Variants in SEC24A observed in about 807,000 individuals in gnomAD.
SEC24A encodes the protein SEC24 homolog A, COPII component.
A neutral mutation model predicts 129.4 loss-of-function variants in SEC24A; 93 were observed. The ratio of observed to expected loss-of-function variants is 0.72; its 90% CI spans 0.61 to 0.85. The LOEUF is 0.85. SEC24A is among the 40% of genes least tolerant of loss of function. The probability of loss-of-function intolerance (pLI) is 0.00; values close to 1 mark genes in which losing one functional copy is unlikely to be tolerated. For synonymous variants in SEC24A, 460 were observed against 467.3 expected, an observed-to-expected ratio of 0.98 and a Z score of 0.20; for missense variants, 1,264 against 1,307.4, an observed-to-expected ratio of 0.97 and a Z score of 0.51.
Position 134,675,048 on chromosome 5 carries a change from C to G in SEC24A, c.982C>G (p.Pro328Ala), listed in dbSNP as rs1477223191. Residue 328 changes from proline (P) to alanine (A), a missense_variant, in exon 6 of 23, where the codon CCC becomes GCC. By Grantham distance (27) the Pro-to-Ala change is conservative. Coordinates refer to ENST00000398844, the MANE Select transcript of SEC24A (RefSeq NM_021982.3). ...CTTTAAAATTATGTATCTGTAGACT[C>G]CCTTAGGTGCTAATCATTTAACCAC... Reference protein sequence around the residue: ...PSGPQAFTQTPLGANHLTTSM... With the variant: ...PSGPQAFTQTALGANHLTTSM... 6.3e-7 allele frequency: 1 copy of G among 1,595,596 alleles called. No homozygotes were observed. Among genetic ancestry groups the G allele is most frequent in the East Asian group, 2.2e-5 (1 of 44,544 alleles).
intron 17 of SEC24A, among the ~76,000 whole-genome samples, chr5:134,706,817 A>G (rs554973846): frequency 1.3e-5 from 2 of 152,226 alleles, no homozygotes; most frequent in Admixed American, 6.5e-5. Context: ...CAGCCTCCCA[A>G]GTAGCTGGGA....
At chr5:134,669,931 A>G (rs749729824) in intron 3 of SEC24A, among the ~76,000 whole-genome samples, 10 of 151,740 alleles carry the variant, frequency 6.6e-5, no homozygotes, top group Non-Finnish European at 1.3e-4. Flanking sequence ...TTTTTGAGAC[A>G]TAAGTCTCAC....
At chr5:134,719,947 T>C (rs891002152) in intron 20 of SEC24A, among the ~76,000 whole-genome samples, 1 of 152,084 alleles carries the variant, frequency 6.6e-6, no homozygotes, top group African/African-American at 2.4e-5. Flanking sequence ...ATCGTGCCAT[T>C]GCACTCCAGC....
At chr5:134,658,244 T>C (rs1288643933) in intron 1 of SEC24A, among the ~76,000 whole-genome samples, 1 of 152,130 alleles carries the variant, frequency 6.6e-6, no homozygotes, top group African/African-American at 2.4e-5. Flanking sequence ...GCACTTTAGC[T>C]TGGGCAACAG....
At chr5:134,694,259 C>T (rs923331399) in intron 13 of SEC24A, among the ~76,000 whole-genome samples, 1 of 152,090 alleles carries the variant, frequency 6.6e-6, no homozygotes, top group Non-Finnish European at 1.5e-5. Context: ...GGCGTGGTAG[C>T]TCACACCTGT....
intron 4 of SEC24A, among the ~76,000 whole-genome samples, chr5:134,673,276 G>A (rs1370109311): frequency 1.3e-5 from 2 of 151,308 alleles, no homozygotes; most frequent in East Asian, 2.0e-4. Context: ...GGATAGTCTC[G>A]ATCTCCTGAC....
intron 1 of SEC24A, among the ~76,000 whole-genome samples, chr5:134,656,623 G>A (rs900837211): frequency 2.0e-5 from 3 of 151,958 alleles, no homozygotes; most frequent in Non-Finnish European, 4.4e-5. Flanking sequence ...TGGGACTATA[G>A]GCGTGTGCCA....
intron 18 of SEC24A, among the ~76,000 whole-genome samples, chr5:134,709,331 A>C (rs925625347): frequency 2.0e-5 from 3 of 152,222 alleles, no homozygotes; most frequent in Non-Finnish European, 4.4e-5. Context: ...GACGACAGGT[A>C]CCTTACCTCT....
intron 1 of SEC24A, among the ~76,000 whole-genome samples, chr5:134,649,614 A>T (rs1221277342): frequency 2.0e-5 from 3 of 152,098 alleles, no homozygotes; most frequent in African/African-American, 7.2e-5. Flanking sequence ...AGATGAATGC[A>T]TGCTTTTGGG....
At chr5:134,687,575 G>A (rs1201333063) in intron 10 of SEC24A, among the ~76,000 whole-genome samples, 1 of 152,146 alleles carries the variant, frequency 6.6e-6, no homozygotes, top group Non-Finnish European at 1.5e-5. Context: ...ATTTCATCAC[G>A]AGTGGAGTAA....
At chr5:134,707,165 T>A (rs1288415172) in intron 17 of SEC24A, among the ~76,000 whole-genome samples, 1 of 152,102 alleles carries the variant, frequency 6.6e-6, no homozygotes, top group Non-Finnish European at 1.5e-5. Flanking sequence ...TCAAACTTAA[T>A]TCTGTCTGTA....
chr5:134,665,253 C>T (rs1750618325), intron 2 of SEC24A, among the ~76,000 whole-genome samples: 1 of 151,168 alleles, frequency 6.6e-6, no homozygotes. Context: ...TTGAGATCAG[C>T]CTCCAGCCTG....
chr5:134,650,299 C>T (rs1750002178), intron 1 of SEC24A, among the ~76,000 whole-genome samples: 1 of 152,144 alleles, frequency 6.6e-6, no homozygotes, highest in Non-Finnish European at 1.5e-5. Context: ...TATTTAGTAA[C>T]ATTTACACTG....
intron 11 of SEC24A, among the ~76,000 whole-genome samples, chr5:134,689,742 C>T (rs1430524974): frequency 2.7e-5 from 4 of 147,552 alleles, no homozygotes; most frequent in African/African-American, 7.5e-5. Context: ...CCAGCCTGGA[C>T]GACAGAGTGA....
chr5:134,698,135 A>G (rs1751886001), intron 15 of SEC24A, 78 bp downstream of exon 15: 3 of 1,214,130 alleles, frequency 2.5e-6, no homozygotes, highest in South Asian at 1.4e-5. Context: ...ATCTGGTCTT[A>G]TAAGATTGCC....
At chr5:134,685,098 G>C (rs1751404173) in intron 9 of SEC24A, among the ~76,000 whole-genome samples, 2 of 152,000 alleles carry the variant, frequency 1.3e-5, no homozygotes, top group African/African-American at 4.8e-5. Context: ...GGACAGACAT[G>C]GTGGCTCACA....
chr5:134,675,211 A>G lies in SEC24A; in HGVS notation c.1145A>G (p.Asn382Ser), dbSNP rs573674902. Residue 382 changes from asparagine to serine, a missense_variant, in exon 6 of 23, where the codon AAC (asparagine) becomes AGC (serine). Coordinates refer to ENST00000398844, the MANE Select transcript of SEC24A (RefSeq NM_021982.3). ...GAAGACATCCAGAAACTCAACTGTAACCCAGAGTAAGGCTTCAGATGTGAC... is the reference window on the plus strand; with the variant it reads ...GAAGACATCCAGAAACTCAACTGTAGCCCAGAGTAAGGCTTCAGATGTGAC... ...LHEDIQKLNC[N>S]PELFRCTLTS... 1.2e-6 allele frequency: 2 copies of G among 1,609,762 alleles called. No homozygotes were observed. The highest frequency in any genetic ancestry group is 2.7e-5 in the African/African-American group (2 of 74,964).
chr5:134,672,690 G>T (rs1321864027), intron 4 of SEC24A, among the ~76,000 whole-genome samples: 8 of 151,842 alleles, frequency 5.3e-5, no homozygotes, highest in Admixed American at 5.3e-4. Context: ...TCTTCTGTCA[G>T]AATTGGGATC....
rs372241215 is a variant in SEC24A, at chr5:134,703,826, C to T, written c.2334C>T (p.Asn778=). The part of the protein sequence containing the change: ...VRSTDLLSLP[N]VNPDAGYAVQ... ...CAACCGACTTACTGTCTTTGCCTAA[C>T]GTCAACCCAGACGCTGGGTATGCAG... Residue 778 remains asparagine (N), a synonymous_variant, in exon 16 of 23, where the codon AAC becomes AAT. Coordinates refer to ENST00000398844, the MANE Select transcript of SEC24A (RefSeq NM_021982.3). The T allele has an allele frequency of 2.2e-5, 36 of 1,612,940 alleles. No homozygotes were observed. In the Middle Eastern group the frequency reaches 8.3e-4, roughly 37 times the overall value.
Sources: gnomAD v4.1 joint callset for allele counts (sites outside exome capture counted in the v4.1 genomes callset) on GRCh38, gnomAD v4.1.1 for gene constraint, MANE v1.5 for transcripts, NCBI Gene and HGNC (gene_info 2026-07-23, HGNC 2026-07-21) for gene names.